REDIC1: variants seen among roughly 807,000 people sequenced by gnomAD.
REDIC1 encodes regulator of DNA class I crossover intermediates 1, also known as HEI10 Interacting Protein 1.
the REDIC1 span, among the ~76,000 whole-genome samples, chr12:39,655,562 T>C: frequency 2.0e-5 from 3 of 152,332 alleles, no homozygotes; most frequent in South Asian, 6.2e-4. Flanking sequence ...TATGACTATT[T>C]GTTTTCCTGA....
At chr12:39,711,511 GTA>G in the REDIC1 span, among the ~76,000 whole-genome samples, 10 of 135,512 alleles carry the variant, frequency 7.4e-5, no homozygotes, top group South Asian at 4.4e-4. Context: ...GTATATATGT[GTA>G]TATATGTGTA....
chr12:39,809,297 G>T, the REDIC1 span, among the ~76,000 whole-genome samples: 2 of 152,064 alleles, frequency 1.3e-5, no homozygotes, highest in Non-Finnish European at 1.5e-5. Context: ...ACATCACATT[G>T]TCTGGATTAC....
the REDIC1 span, among the ~76,000 whole-genome samples, chr12:39,723,274 G>A: frequency 5.3e-5 from 8 of 152,066 alleles, no homozygotes; most frequent in South Asian, 2.1e-4. Flanking sequence ...AGTGTGTTCC[G>A]TGAGTCCTTC....
the REDIC1 span, among the ~76,000 whole-genome samples, chr12:39,884,700 C>T: frequency 6.6e-6 from 1 of 152,146 alleles, no homozygotes; most frequent in South Asian, 2.1e-4. Flanking sequence ...AGTTCTATGA[C>T]AGCAGTAAAG....
the REDIC1 span, among the ~76,000 whole-genome samples, chr12:39,710,891 TC>T: frequency 6.6e-6 from 1 of 151,706 alleles, no homozygotes; most frequent in Non-Finnish European, 1.5e-5. Flanking sequence ...TTTTCAGTAT[TC>T]TTTTTTTTTA....
the REDIC1 span, among the ~76,000 whole-genome samples, chr12:39,689,667 G>C: frequency 6.6e-6 from 1 of 152,142 alleles, no homozygotes; most frequent in African/African-American, 2.4e-5. Context: ...AACCAGAAAA[G>C]GGGGCTGAGA....
At chr12:39,636,804 A>G in the REDIC1 span, among the ~76,000 whole-genome samples, 3 of 152,074 alleles carry the variant, frequency 2.0e-5, no homozygotes, top group African/African-American at 7.2e-5. Context: ...TGTTTATATG[A>G]CACTCATAGT....
chr12:39,626,252 G>A, the REDIC1 span: 2 of 1,506,892 alleles, frequency 1.3e-6, no homozygotes, highest in Non-Finnish European at 9.2e-7. Flanking sequence ...GGCCCTGGGG[G>A]ATCCTGCTGA....
chr12:39,796,141 T>C, the REDIC1 span, among the ~76,000 whole-genome samples: 3 of 152,190 alleles, frequency 2.0e-5, no homozygotes, highest in African/African-American at 7.2e-5. Context: ...TATATCACCT[T>C]TTGTAACTGG....
chr12:39,896,361 T>C, the REDIC1 span, among the ~76,000 whole-genome samples: 5 of 140,250 alleles, frequency 3.6e-5, no homozygotes, highest in South Asian at 2.2e-4. Flanking sequence ...TGTATATGTG[T>C]ATATATGTAT....
chr12:39,728,359 T>A, the REDIC1 span, among the ~76,000 whole-genome samples: 2 of 152,302 alleles, frequency 1.3e-5, no homozygotes, highest in African/African-American at 4.8e-5. Context: ...TGAAGGGGTG[T>A]TGAATTTTAT....
the REDIC1 span, chr12:39,864,881 A>T: frequency 1.2e-6 from 2 of 1,605,604 alleles, no homozygotes; most frequent in East Asian, 4.5e-5. Context: ...CTACGGTGGT[A>T]CCTTAAAAAA....
chr12:39,723,016 G>A, the REDIC1 span, among the ~76,000 whole-genome samples: 1 of 152,132 alleles, frequency 6.6e-6, no homozygotes, highest in African/African-American at 2.4e-5. Flanking sequence ...CCACACCGCT[G>A]TGATTGAGAC....
the REDIC1 span, among the ~76,000 whole-genome samples, chr12:39,718,458 T>A: frequency 3.3e-5 from 5 of 152,156 alleles, no homozygotes; most frequent in Non-Finnish European, 7.3e-5. Flanking sequence ...AAAAGAATTT[T>A]TGTTTTCCAG....
the REDIC1 span, among the ~76,000 whole-genome samples, chr12:39,711,701 GTATACACATGCA>G: frequency 2.3e-3 from 31 of 13,494 alleles, 2 homozygotes; most frequent in African/African-American, 3.7e-3. Context: ...ATGTGTATGT[GTATACACATGCA>G]TGTGTATGCA....
chr12:39,790,114 A>C, the REDIC1 span, among the ~76,000 whole-genome samples: 2 of 59,364 alleles, frequency 3.4e-5, no homozygotes, highest in Non-Finnish European at 6.8e-5. Flanking sequence ...GATTCTGTGC[A>C]TTCTTTTGTG....
chr12:39,699,530 G>A, the REDIC1 span, among the ~76,000 whole-genome samples: 17 of 150,596 alleles, frequency 1.1e-4, no homozygotes, highest in East Asian at 5.9e-4. Context: ...GGGGAGGGGC[G>A]CCCGCCATTG....
chr12:39,735,679 A>G, the REDIC1 span, among the ~76,000 whole-genome samples: 2 of 152,238 alleles, frequency 1.3e-5, no homozygotes, highest in African/African-American at 4.8e-5. Context: ...AGATTATTTC[A>G]AGGGTGTTAT....
the REDIC1 span, chr12:39,647,718 T>C: frequency 2.7e-6 from 3 of 1,105,902 alleles, no homozygotes; most frequent in Non-Finnish European, 2.5e-6. Flanking sequence ...TATTTTAATT[T>C]CACTATTTTG....
Sources: gnomAD v4.1 joint callset for allele counts (sites outside exome capture counted in the v4.1 genomes callset) on GRCh38, gnomAD v4.1.1 for gene constraint, MANE v1.5 for transcripts, NCBI Gene and HGNC (gene_info 2026-07-23, HGNC 2026-07-21) for gene names.